The following CEP350 variants were observed in gnomAD, a reference collection of about 807,000 sequenced individuals.
CEP350 encodes centrosomal protein 350.
A neutral mutation model predicts 331.8 loss-of-function variants in CEP350; 126 were observed. That is an observed-to-expected ratio of 0.38 (90% CI 0.33 to 0.44). The LOEUF is 0.44. CEP350 is among the 20% of genes least tolerant of loss of function. CEP350 has a pLI of 1.00. For missense variants in CEP350, 3,406 were observed against 3,634.6 expected, an observed-to-expected ratio of 0.94 and a Z score of 1.62; for synonymous variants, 1,200 against 1,259.5, an observed-to-expected ratio of 0.95 and a Z score of 1.00.
At chr1:180,058,718 A>C (rs1658011501) in intron 25 of CEP350, among the ~76,000 whole-genome samples, 1 of 152,180 alleles carries the variant, frequency 6.6e-6, no homozygotes, top group Non-Finnish European at 1.5e-5. Context: ...ATACTTAAGA[A>C]TTTTTTAAGT....
At position 179,966,769 on chromosome 1, in the gene CEP350, C is replaced by G. The variant is rs80249239; in HGVS notation, c.-14+11627C>G. ...TCCAATTTCTGTTGTAACTTCCAAA[C>G]CTAGTTTGGATCAGAAATTTGCTCA... On this transcript the variant is annotated intron_variant, in intron 1 of 37. Coordinates refer to ENST00000367607, the MANE Select transcript of CEP350 (RefSeq NM_014810.5). 3.3e-3 allele frequency among the ~76,000 whole-genome samples: 495 copies of G among 152,254 alleles called. 5 individuals are homozygous for G. The highest frequency in any genetic ancestry group is 0.011 in the African/African-American group (475 of 41,532).
At chr1:179,999,015 A>G (rs1653679437) in intron 6 of CEP350, among the ~76,000 whole-genome samples, 1 of 152,146 alleles carries the variant, frequency 6.6e-6, no homozygotes, top group Non-Finnish European at 1.5e-5. Context: ...TATCACATCC[A>G]TACTATTGGC....
intron 25 of CEP350, among the ~76,000 whole-genome samples, chr1:180,055,106 G>C (rs1463527891): frequency 6.6e-6 from 1 of 152,144 alleles, no homozygotes; most frequent in African/African-American, 2.4e-5. Flanking sequence ...ATACTTTATA[G>C]GGTTGTTTTA....
intron 11 of CEP350, among the ~76,000 whole-genome samples, chr1:180,017,994 G>T (rs1290289076): frequency 6.6e-6 from 1 of 152,064 alleles, no homozygotes; most frequent in Non-Finnish European, 1.5e-5. Flanking sequence ...AAAGTGTAAG[G>T]ATTAAGCCTT....
At chr1:180,016,621 G>A (rs1274518791) in intron 11 of CEP350, among the ~76,000 whole-genome samples, 1 of 149,748 alleles carries the variant, frequency 6.7e-6, no homozygotes, top group Non-Finnish European at 1.5e-5. Flanking sequence ...TTGAGAACAC[G>A]TAAATAGAAA....
intron 27 of CEP350, chr1:180,073,652 G>C: frequency 3.2e-6 from 1 of 312,888 alleles, no homozygotes; most frequent in Non-Finnish European, 4.6e-6. Context: ...TGTAATGCCT[G>C]CTTTAACTGA....
rs1656871844 is a variant in CEP350 at position 180,043,066 on chromosome 1, T to G, written c.4373T>G (p.Leu1458Trp). 1 of 1,612,192 alleles carries G rather than the reference T, an allele frequency of 6.2e-7. No individual in the cohort carries two copies. The highest frequency in any genetic ancestry group is 1.7e-5 in the Admixed American group (1 of 59,706). Residue 1458 changes from leucine to tryptophan, a missense_variant, in exon 20 of 38, where the codon TTG (leucine) becomes TGG (tryptophan). By Grantham distance (61) the Leu-to-Trp change is moderately conservative. Around this residue, in one of 5 missense-constraint regions of CEP350, gnomAD observed 1,857 missense variants for 1,909.2 expected, o/e 0.97. Transcript: ENST00000367607. The stretch of plus-strand genomic sequence containing the variant: ...TGTGTTCATGTTTAGATGGCAGAGT[T>G]GACTAGAACTCATATCTCAGATGCT... ...AARQICEMAE[L>W]TRTHISDAVV...
chr1:180,043,252 A>T lies in CEP350; in HGVS notation c.4499+60A>T, dbSNP rs143823170. 137 of 1,512,374 alleles carry T rather than the reference A, an allele frequency of 9.1e-5. No individual in the cohort carries two copies. The African/African-American group carries it at 1.8e-3, about 19-fold the overall frequency. The allele number at this position is 1,512,374 out of a possible 1,614,324, so 93.7% of individuals were successfully genotyped here. ...CTGTCTGTTAGGTTAATATTCATTCAGCAAATATGTAATGAGTATTTGTTG... is the reference window on the plus strand; with the variant it reads ...CTGTCTGTTAGGTTAATATTCATTCTGCAAATATGTAATGAGTATTTGTTG... On this transcript the variant is annotated intron_variant, in intron 20 of 37. Coordinates refer to ENST00000367607, the MANE Select transcript of CEP350 (RefSeq NM_014810.5).
intron 11 of CEP350, among the ~76,000 whole-genome samples, chr1:180,016,943 A>G (rs911537178): frequency 2.6e-5 from 4 of 152,092 alleles, no homozygotes; most frequent in Non-Finnish European, 5.9e-5. Flanking sequence ...GATTACAGGC[A>G]TGAGCCACCG....
chr1:180,018,145 A>G (rs1212418516), intron 11 of CEP350, among the ~76,000 whole-genome samples: 1 of 152,132 alleles, frequency 6.6e-6, no homozygotes, highest in Admixed American at 6.5e-5. Context: ...AGCTGTGACT[A>G]TAGGCATGCA....
Position 180,014,335 on chromosome 1 carries a change from C to G in CEP350, c.1882C>G (p.Arg628Gly). The change falls in exon 10 of 38, where the codon CGA (arginine) becomes GGA (glycine). Residue 628 changes from arginine (R) to glycine (G), a missense_variant. Physicochemically the swap from Arg to Gly is moderately radical, Grantham distance 125. This residue lies in a region of CEP350 where 1,857 missense variants were observed against 1,909.2 expected (regional missense o/e 0.97). Transcript: ENST00000367607. ...QKEATEQKNK[R>G]LQELYRKQKE... ...GGAGGCTACAGAACAGAAAAACAAACGATTACAAGAGCTCTACCGGAAGCA... is the reference window on the plus strand; with the variant it reads ...GGAGGCTACAGAACAGAAAAACAAAGGATTACAAGAGCTCTACCGGAAGCA... 3 of 1,590,262 alleles carry G rather than the reference C, an allele frequency of 1.9e-6. No individual in the cohort carries two copies. The highest frequency in any genetic ancestry group is 2.6e-6 in the Non-Finnish European group (3 of 1,167,986).
Position 180,112,390 on chromosome 1 carries a change from A to G in CEP350, c.*1229A>G, listed in dbSNP as rs1031331684. 1 of 152,640 alleles carries G rather than the reference A, an allele frequency of 6.6e-6. No homozygotes were observed. Among genetic ancestry groups the G allele is most frequent in the Non-Finnish European group, 1.5e-5 (1 of 68,044 alleles). 9.5% of individuals were successfully genotyped at this position (152,640 alleles called of 1,614,324 possible). On this transcript the variant is annotated 3_prime_UTR_variant, in exon 38 of 38. Transcript: ENST00000367607. Reference sequence around the variant, plus strand: ...TCACCTGCAATAGCAGCAGTGGGATAAAATGATTTAAAAACACTGTACAAT... The same window carrying G: ...TCACCTGCAATAGCAGCAGTGGGATGAAATGATTTAAAAACACTGTACAAT...
At chr1:180,014,806 G>A (rs1051823731) in intron 10 of CEP350, among the ~76,000 whole-genome samples, 1 of 152,180 alleles carries the variant, frequency 6.6e-6, no homozygotes, top group Non-Finnish European at 1.5e-5. Flanking sequence ...ACCTTTGAAC[G>A]ATGTGGGGGT....
In CEP350 at chr1:180,011,028, A is replaced by G. The variant is rs188749087; in HGVS notation, c.1247-901A>G. ...TTTTTAAGTCACTGTCTATTTTGAG[A>G]TGATTGCTTAATTTTTAATTTGTTA... is the stretch of plus-strand genomic sequence containing the variant. On this transcript the variant is annotated intron_variant, in intron 8 of 37. Transcript: ENST00000367607. 7.5e-3 allele frequency among the ~76,000 whole-genome samples: 1,135 copies of G among 150,944 alleles called. 7 individuals are homozygous for G. Among genetic ancestry groups the G allele is most frequent in the Non-Finnish European group, 0.012 (807 of 67,580 alleles).
intron 11 of CEP350, 46 bp from the exon 12 acceptor site, chr1:180,019,903 A>G: frequency 6.7e-7 from 1 of 1,503,332 alleles, no homozygotes; most frequent in Non-Finnish European, 8.9e-7. Context: ...AAACTTTTTT[A>G]AAATGGTGGT....
chr1:179,966,317 T>G (rs1280063549), intron 1 of CEP350, among the ~76,000 whole-genome samples: 3 of 152,192 alleles, frequency 2.0e-5, no homozygotes, highest in Non-Finnish European at 4.4e-5. Flanking sequence ...GCCCTCATTT[T>G]CAAATGTACT....
At chr1:180,037,225 C>A in intron 17 of CEP350, 136 bp downstream of exon 17, 1 of 627,712 alleles carries the variant, frequency 1.6e-6, no homozygotes, top group Non-Finnish European at 2.4e-6. Context: ...ATAAATAGTC[C>A]TGGGAAAAAT....
rs1401600074 is a variant in CEP350 at position 180,078,657 on chromosome 1, A to G, written c.5962A>G (p.Thr1988Ala). 6 of 1,606,820 alleles carry G rather than the reference A, an allele frequency of 3.7e-6. No individual in the cohort carries two copies. The highest frequency in any genetic ancestry group is 3.4e-6 in the Non-Finnish European group (4 of 1,176,274). ...TTGTTCACAGGAACTAGAATCTTCTACCTCTCCTAGTAAACATGTAAGTTA... is the reference window on the plus strand; with the variant it reads ...TTGTTCACAGGAACTAGAATCTTCTGCCTCTCCTAGTAAACATGTAAGTTA... ...MICSQELESSTSPSKHSLPKS... is the reference protein window; with the variant it reads ...MICSQELESSASPSKHSLPKS... The change falls in exon 29 of 38, where the codon ACC becomes GCC. Residue 1988 changes from threonine (T) to alanine (A), a missense_variant. Physicochemically the swap from Thr to Ala is moderately conservative, Grantham distance 58. This residue lies in a region of CEP350 where 1,415 missense variants were observed against 1,512.3 expected (regional missense o/e 0.94). Transcript: ENST00000367607.
intron 19 of CEP350, among the ~76,000 whole-genome samples, chr1:180,042,132 T>TCTCACACA (rs1553258521): frequency 0.013 from 1,871 of 146,842 alleles, 17 homozygotes; most frequent in Non-Finnish European, 0.02. Context: ...GAGTTTTCTC[T>TCTCACACA]CACACACACA....
Sources: allele counts gnomAD v4.1 joint callset (sites outside exome capture counted in the v4.1 genomes callset), GRCh38; gene constraint gnomAD v4.1.1; regional missense constraint gnomAD v4.1.1; transcripts MANE v1.5; gene names NCBI Gene and HGNC (gene_info 2026-07-23, HGNC 2026-07-21).